Variants in LRRC7 observed in about 807,000 individuals in gnomAD.
LRRC7 encodes the protein leucine-rich repeat-containing protein 7.
In LRRC7, 23 loss-of-function variants were observed where a neutral mutation model predicts 175.7. The ratio of observed to expected loss-of-function variants is 0.13; its 90% CI spans 0.09 to 0.19. The LOEUF is 0.19. Among genes scored for constraint, LRRC7 ranks in the 10% least tolerant of loss-of-function variants. The probability of loss-of-function intolerance (pLI) is 1.00; values close to 1 mark genes in which losing one functional copy is unlikely to be tolerated. For synonymous variants in LRRC7, 685 were observed against 680.9 expected (o/e 1.01, Z -0.09); for missense variants, 1,354 against 1,904.7 (o/e 0.71, Z 5.38).
chr1:69,859,040 T>A (rs1207288967), intron 7 of LRRC7, among the ~76,000 whole-genome samples: 6 of 152,238 alleles, frequency 3.9e-5, no homozygotes, highest in Middle Eastern at 3.4e-3. Flanking sequence ...ACAATAAATT[T>A]CACTCTTAAC....
At chr1:69,570,730 C>A (rs941646813) in intron 1 of LRRC7, among the ~76,000 whole-genome samples, 8 of 152,144 alleles carry the variant, frequency 5.3e-5, no homozygotes, top group East Asian at 1.9e-4. Flanking sequence ...GAAGTCTTTA[C>A]TTTTTAGAAA....
chr1:70,069,379 G>T (rs531132247), intron 23 of LRRC7, among the ~76,000 whole-genome samples: 1 of 152,132 alleles, frequency 6.6e-6, no homozygotes, highest in African/African-American at 2.4e-5. Flanking sequence ...TGAGAACAGC[G>T]TAGGAGAAAC....
intron 7 of LRRC7, among the ~76,000 whole-genome samples, chr1:69,849,258 A>C (rs1224389667): frequency 6.6e-6 from 1 of 152,026 alleles, no homozygotes; most frequent in Non-Finnish European, 1.5e-5. Flanking sequence ...CTTACACTAT[A>C]GGAATTGGTT....
Position 69,794,527 on chromosome 1 carries a change from C to T in LRRC7, c.421+2367C>T, listed in dbSNP as rs555921467. ...ATTTGTATAGATTTGTATTTCTGTA[C>T]AATAAAACAATTACTACTACCTCTT... On this transcript the variant is annotated intron_variant, in intron 4 of 26. Transcript: ENST00000651989. Among the ~76,000 whole-genome samples the T allele has an allele frequency of 3.3e-5, 5 of 152,254 alleles. No homozygotes were observed. In the South Asian group the frequency reaches 1.0e-3, roughly 32 times the overall value.
intron 1 of LRRC7, among the ~76,000 whole-genome samples, chr1:69,630,915 T>C (rs1652388775): frequency 6.6e-6 from 1 of 152,124 alleles, no homozygotes; most frequent in Admixed American, 6.6e-5. Context: ...TAAAAATTGC[T>C]TATATAGCCA....
At chr1:69,886,505 G>A (rs1013846273) in intron 7 of LRRC7, among the ~76,000 whole-genome samples, 13 of 152,058 alleles carry the variant, frequency 8.5e-5, no homozygotes, top group South Asian at 4.2e-4. Context: ...TTGAGCTTAT[G>A]TGTGTCTCTG....
chr1:69,934,788 A>C (rs1476930388), intron 8 of LRRC7, among the ~76,000 whole-genome samples: 2 of 151,988 alleles, frequency 1.3e-5, no homozygotes, highest in Non-Finnish European at 2.9e-5. Context: ...AACCCTTAGG[A>C]TCATCCTCTT....
intron 7 of LRRC7, among the ~76,000 whole-genome samples, chr1:69,846,153 CATTATAACAAAGTGATT>C (rs1682342464): frequency 6.6e-6 from 1 of 152,016 alleles, no homozygotes; most frequent in Non-Finnish European, 1.5e-5. Context: ...AATTATAATG[CATTATAACAAAGTGATT>C]ATTAGAGTCA....
At chr1:69,980,237 T>G (rs1653280092) in intron 8 of LRRC7, 142 bp from the exon 9 acceptor site, 2 of 718,018 alleles carry the variant, frequency 2.8e-6, no homozygotes, top group Admixed American at 5.3e-5. Context: ...AGAGGTCTGT[T>G]AAAGGTGGAA....
intron 2 of LRRC7, among the ~76,000 whole-genome samples, chr1:69,730,740 A>C (rs1419297889): frequency 1.3e-5 from 2 of 152,128 alleles, no homozygotes; most frequent in African/African-American, 2.4e-5. Context: ...ACCAGTTCCA[A>C]AGTAGCTTCC....
intron 3 of LRRC7, among the ~76,000 whole-genome samples, chr1:69,768,284 T>C (rs1195623736): frequency 3.3e-5 from 5 of 152,180 alleles, no homozygotes; most frequent in Non-Finnish European, 4.4e-5. Context: ...TTTGGCCACA[T>C]GAATGCCAAA....
At chr1:69,720,399 T>C (rs967895135) in intron 2 of LRRC7, among the ~76,000 whole-genome samples, 1 of 151,668 alleles carries the variant, frequency 6.6e-6, no homozygotes, top group Non-Finnish European at 1.5e-5. Context: ...AAATTTTAAC[T>C]CCATCTTGTG....
chr1:70,038,531 A>T lies in LRRC7; in HGVS notation c.2707A>T (p.Thr903Ser). 1.2e-6 allele frequency: 2 copies of T among 1,613,866 alleles called. No individual in the cohort carries two copies. The highest frequency in any genetic ancestry group is 1.7e-6 in the Non-Finnish European group (2 of 1,179,974). Reference protein sequence around the residue: ...RTAFPSKLETTPTTSPLPERK... With the variant: ...RTAFPSKLETSPTTSPLPERK... ...CGCTTTTCCTTCCAAATTAGAGACA[A>T]CCCCCACTACCAGCCCATTGCCTGA... is the stretch of plus-strand genomic sequence containing the variant. The change falls in exon 21 of 27, where the codon ACC (threonine) becomes TCC (serine). Residue 903 changes from threonine (T) to serine (S), a missense_variant. By Grantham distance (58) the Thr-to-Ser change is moderately conservative. Coordinates refer to ENST00000651989, the MANE Select transcript of LRRC7 (RefSeq NM_001370785.2).
chr1:69,833,239 A>G lies in LRRC7; in HGVS notation c.501-1541A>G, dbSNP rs550366946. 7.2e-4 allele frequency among the ~76,000 whole-genome samples: 109 copies of G among 152,354 alleles called. 1 individual carries two copies. Among genetic ancestry groups the G allele is most frequent in the Non-Finnish European group, 1.5e-3 (99 of 68,030 alleles). ...GGATGGATTTTTTAAATCTAATACT[A>G]ATTTTTTTAAGCCTTGGGGAAATGT... On this transcript the variant is annotated intron_variant, in intron 5 of 26. Coordinates refer to ENST00000651989, the MANE Select transcript of LRRC7 (RefSeq NM_001370785.2).
At chr1:69,971,383 C>T (rs1275453940) in intron 8 of LRRC7, among the ~76,000 whole-genome samples, 2 of 152,114 alleles carry the variant, frequency 1.3e-5, no homozygotes, top group African/African-American at 4.8e-5. Context: ...CTAAAGACTA[C>T]TCCAGAAAGC....
intron 7 of LRRC7, among the ~76,000 whole-genome samples, chr1:69,870,853 C>A (rs10493458): frequency 0.012 from 1,898 of 152,116 alleles, 34 homozygotes; most frequent in African/African-American, 0.043. Context: ...TTTTGAAACA[C>A]TTTAACATAT....
At chr1:69,906,640 C>T (rs1646323306) in intron 7 of LRRC7, among the ~76,000 whole-genome samples, 1 of 152,090 alleles carries the variant, frequency 6.6e-6, no homozygotes, top group Admixed American at 6.5e-5. Flanking sequence ...GGTACCAGTA[C>T]CATGCTGTTT....
At chr1:69,750,797 G>C (rs903727366) in intron 2 of LRRC7, among the ~76,000 whole-genome samples, 3 of 152,144 alleles carry the variant, frequency 2.0e-5, no homozygotes, top group Non-Finnish European at 4.4e-5. Flanking sequence ...CTTTTGTAAG[G>C]CATTAATCCA....
In LRRC7 at chr1:69,702,209, C is replaced by A. The variant is rs111920042; in HGVS notation, c.100+23731C>A. Among the ~76,000 whole-genome samples the A allele has an allele frequency of 1.3e-5, 2 of 152,234 alleles. 1 individual carries two copies. Among genetic ancestry groups the A allele is most frequent in the African/African-American group, 4.8e-5 (2 of 41,554 alleles). On this transcript the variant is annotated intron_variant, in intron 2 of 26. Transcript: ENST00000651989. Reference sequence around the variant, plus strand: ...TATCTGCTCGTGGGTCATCACACACCGTATTTAATCAAGAACATATTTTCA... The same window carrying A: ...TATCTGCTCGTGGGTCATCACACACAGTATTTAATCAAGAACATATTTTCA...
Sources: allele counts gnomAD v4.1 joint callset (sites outside exome capture counted in the v4.1 genomes callset), GRCh38; gene constraint gnomAD v4.1.1; transcripts MANE v1.5; gene names NCBI Gene and HGNC (gene_info 2026-07-23, HGNC 2026-07-21).